KHDRBS2: variants seen among roughly 807,000 people sequenced by gnomAD.
KHDRBS2 encodes the protein KH domain-containing, RNA-binding, signal transduction-associated protein 2.
In KHDRBS2, 26 loss-of-function variants were observed where a neutral mutation model predicts 44.3. The ratio of observed to expected loss-of-function variants is 0.59; its 90% CI spans 0.43 to 0.81. The LOEUF is 0.81. Ranked by LOEUF, KHDRBS2 falls within the 40% of genes least tolerant of loss-of-function variation. The pLI, the probability that KHDRBS2 is intolerant of heterozygous loss-of-function variation, is 0.00. For missense variants in KHDRBS2, 476 were observed against 433.1 expected (o/e 1.10, Z -0.88); for synonymous variants, 194 against 151.1 (o/e 1.28, Z -2.08).
intron 1 of KHDRBS2, among the ~76,000 whole-genome samples, chr6:62,264,816 C>G (rs1312604260): frequency 1.3e-5 from 2 of 151,474 alleles, no homozygotes; most frequent in African/African-American, 4.8e-5. Flanking sequence ...TTATTATAGT[C>G]ATTGAATCAA....
intron 7 of KHDRBS2, among the ~76,000 whole-genome samples, chr6:61,698,100 A>G (rs1161453092): frequency 6.6e-6 from 1 of 152,184 alleles, no homozygotes; most frequent in South Asian, 2.1e-4. Context: ...TCTTGACAAG[A>G]TCTTAACATT....
the KHDRBS2 span, among the ~76,000 whole-genome samples, chr6:61,612,732 G>A: frequency 6.6e-6 from 1 of 150,918 alleles, no homozygotes; most frequent in South Asian, 2.1e-4. Flanking sequence ...ACTTGCCCAA[G>A]TCATCAACCA....
At chr6:61,771,014 A>G (rs1040604693) in intron 6 of KHDRBS2, among the ~76,000 whole-genome samples, 54 of 152,348 alleles carry the variant, frequency 3.5e-4, no homozygotes, top group African/African-American at 1.3e-3. Context: ...AAGCCAGAAG[A>G]GAGTGGGGGC....
chr6:62,283,904 C>T (rs1375179583), intron 1 of KHDRBS2, among the ~76,000 whole-genome samples: 2 of 152,056 alleles, frequency 1.3e-5, no homozygotes, highest in South Asian at 2.1e-4. Flanking sequence ...TTCTCTTTTC[C>T]TCATTCTGAT....
chr6:62,133,139 G>A (rs1480526881), intron 2 of KHDRBS2, among the ~76,000 whole-genome samples: 1 of 152,136 alleles, frequency 6.6e-6, no homozygotes, highest in East Asian at 1.9e-4. Flanking sequence ...TGAGGGTGTG[G>A]AGAATGGAAG....
intron 2 of KHDRBS2, among the ~76,000 whole-genome samples, chr6:62,048,985 C>T (rs1439567577): frequency 6.6e-6 from 1 of 151,534 alleles, no homozygotes; most frequent in Non-Finnish European, 1.5e-5. Context: ...CTCTTCTCTT[C>T]TCTTCTCTTT....
chr6:61,596,986 A>ATT, the KHDRBS2 span, among the ~76,000 whole-genome samples: 1 of 152,186 alleles, frequency 6.6e-6, no homozygotes, highest in Non-Finnish European at 1.5e-5. Context: ...CTTAGGTGAA[A>ATT]CAAAGTAGAA....
At chr6:61,575,492 T>G in the KHDRBS2 span, among the ~76,000 whole-genome samples, 1 of 152,140 alleles carries the variant, frequency 6.6e-6, no homozygotes, top group African/African-American at 2.4e-5. Flanking sequence ...AAGCAAACAC[T>G]TTTACACTGC....
At chr6:61,747,717 G>A (rs959671024) in intron 6 of KHDRBS2, among the ~76,000 whole-genome samples, 5 of 151,928 alleles carry the variant, frequency 3.3e-5, no homozygotes, top group Non-Finnish European at 5.9e-5. Flanking sequence ...AATTGTTTTG[G>A]TATTCTTATC....
chr6:62,116,447 T>C (rs1806250043), intron 2 of KHDRBS2, among the ~76,000 whole-genome samples: 1 of 152,146 alleles, frequency 6.6e-6, no homozygotes, highest in Non-Finnish European at 1.5e-5. Context: ...TTTTTGTGCC[T>C]GGCATATTTT....
In KHDRBS2 at chr6:62,126,051, A is replaced by G. The variant is rs367812047; in HGVS notation, c.219+51134T>C. Among the ~76,000 whole-genome samples, 18 of 152,258 alleles carry G rather than the reference A, an allele frequency of 1.2e-4. No individual in the cohort carries two copies. The East Asian group carries it at 2.3e-3, about 20-fold the overall frequency. The stretch of plus-strand genomic sequence containing the variant: ...CATTAAGCAGTCTCTTGGGGTCCCC[A>G]GTTCCAAGCCTTGGCTATTGGATGG... On this transcript the variant is annotated intron_variant, in intron 2 of 8. Coordinates refer to ENST00000281156, the MANE Select transcript of KHDRBS2 (RefSeq NM_152688.4).
chr6:61,683,982 G>C (rs1766568619), intron 8 of KHDRBS2, among the ~76,000 whole-genome samples: 1 of 151,910 alleles, frequency 6.6e-6, no homozygotes, highest in Non-Finnish European at 1.5e-5. Context: ...ACTTAATTCA[G>C]ACCTTGCTTC....
At chr6:61,815,695 TG>T (rs1788807877) in intron 6 of KHDRBS2, among the ~76,000 whole-genome samples, 1 of 152,154 alleles carries the variant, frequency 6.6e-6, no homozygotes, top group African/African-American at 2.4e-5. Flanking sequence ...AAAATATTTT[TG>T]TCCTTGCTTT....
intron 6 of KHDRBS2, among the ~76,000 whole-genome samples, chr6:61,748,287 A>G (rs1035167247): frequency 1.3e-4 from 19 of 152,000 alleles, no homozygotes; most frequent in African/African-American, 4.3e-4. Flanking sequence ...CCACACCCAG[A>G]CTTAATATTC....
chr6:61,581,142 G>A, the KHDRBS2 span, among the ~76,000 whole-genome samples: 2 of 152,136 alleles, frequency 1.3e-5, no homozygotes, highest in Non-Finnish European at 2.9e-5. Context: ...CACTCAGGCT[G>A]TAGAACATGT....
intron 1 of KHDRBS2, among the ~76,000 whole-genome samples, chr6:62,189,334 T>C (rs966572445): frequency 6.6e-6 from 1 of 151,866 alleles, no homozygotes; most frequent in Non-Finnish European, 1.5e-5. Context: ...CTTCTTTTTT[T>C]TAAATTTTTT....
At position 61,886,948 on chromosome 6, in the gene KHDRBS2, C is replaced by T. The variant is rs557566217; in HGVS notation, c.810+7687G>A. 1.6e-3 allele frequency among the ~76,000 whole-genome samples: 239 copies of T among 152,088 alleles called. 7 individuals carry two copies. In the South Asian group the frequency reaches 0.046, roughly 29 times the overall value. On this transcript the variant is annotated intron_variant, in intron 6 of 8. Transcript: ENST00000281156. ...TGCAGGTATAAATACTGGGAGATGT[C>T]CTAAGTATTGCTGAGGGGACTAAAA...
chr6:61,542,925 T>G, the KHDRBS2 span, among the ~76,000 whole-genome samples: 1 of 152,132 alleles, frequency 6.6e-6, no homozygotes, highest in East Asian at 1.9e-4. Context: ...TACGTAAAAG[T>G]ATGCTATAGA....
chr6:62,188,713 T>C (rs1336130210), intron 1 of KHDRBS2, among the ~76,000 whole-genome samples: 1 of 152,140 alleles, frequency 6.6e-6, no homozygotes, highest in Non-Finnish European at 1.5e-5. Flanking sequence ...AGAAGGGTGA[T>C]GTGTTTAGTG....
Sources: gnomAD v4.1 joint callset for allele counts (sites outside exome capture counted in the v4.1 genomes callset) on GRCh38, gnomAD v4.1.1 for gene constraint, MANE v1.5 for transcripts, NCBI Gene and HGNC (gene_info 2026-07-23, HGNC 2026-07-21) for gene names.